ZBTB20: variants seen among roughly 807,000 people sequenced by gnomAD.
ZBTB20 encodes the protein zinc finger and BTB domain containing 20.
A neutral mutation model predicts 56.9 loss-of-function variants in ZBTB20; 9 were observed. That is an observed-to-expected ratio of 0.16 (90% CI 0.10 to 0.28). The LOEUF (loss-of-function observed/expected upper bound fraction) is 0.28. Among genes scored for constraint, ZBTB20 ranks in the 10% least tolerant of loss-of-function variants. The probability of loss-of-function intolerance (pLI) is 1.00; values close to 1 mark genes in which losing one functional copy is unlikely to be tolerated. For synonymous variants in ZBTB20, 417 were observed against 420.7 expected (o/e 0.99, Z 0.11); for missense variants, 655 against 1,003.0 (o/e 0.65, Z 4.69).
intron 6 of ZBTB20, chr3:114,529,335 T>C (rs919232329): frequency 6.6e-6 from 1 of 152,214 alleles, no homozygotes; most frequent in African/African-American, 2.4e-5. Context: ...TCTGTCAACC[T>C]GGGTCCCTGA....
At chr3:114,466,287 T>C (rs1001164825) in intron 7 of ZBTB20, among the ~76,000 whole-genome samples, 5 of 152,228 alleles carry the variant, frequency 3.3e-5, no homozygotes, top group Non-Finnish European at 7.4e-5. Flanking sequence ...CCCGTTACTT[T>C]GTTCTCATAA....
chr3:114,355,931 A>C (rs1328360120), intron 10 of ZBTB20: 3 of 152,120 alleles, frequency 2.0e-5, no homozygotes, highest in African/African-American at 7.2e-5. Flanking sequence ...GTATTTGGGG[A>C]TTCTTCCCCA....
intron 1 of ZBTB20, among the ~76,000 whole-genome samples, chr3:115,147,013 C>T (rs986060670): frequency 6.7e-6 from 1 of 148,448 alleles, no homozygotes; most frequent in Admixed American, 6.7e-5. Flanking sequence ...CGGGGCGGGG[C>T]GCGGGGGCGC....
At chr3:114,519,536 T>C (rs1234273086) in intron 6 of ZBTB20, 1 of 152,188 alleles carries the variant, frequency 6.6e-6, no homozygotes, top group East Asian at 1.9e-4. Flanking sequence ...AGGTATCTGA[T>C]TCCAGTTTCA....
intron 7 of ZBTB20, among the ~76,000 whole-genome samples, chr3:114,472,884 C>A (rs2040301717): frequency 6.6e-6 from 1 of 152,040 alleles, no homozygotes; most frequent in Non-Finnish European, 1.5e-5. Flanking sequence ...GGAAACCAAA[C>A]CAAAGAGGGT....
intron 1 of ZBTB20, among the ~76,000 whole-genome samples, chr3:115,099,853 C>T (rs115801630): frequency 0.025 from 3,877 of 152,080 alleles, 78 homozygotes; most frequent in Non-Finnish European, 0.036. Context: ...GACAAACATA[C>T]GGAAGGGTCT....
chr3:114,603,408 C>A (rs2056908196), intron 6 of ZBTB20, among the ~76,000 whole-genome samples: 1 of 151,824 alleles, frequency 6.6e-6, no homozygotes, highest in African/African-American at 2.4e-5. Context: ...GATTAAAATT[C>A]TCATTCAATG....
intron 6 of ZBTB20, chr3:114,520,155 T>C (rs1441317472): frequency 1.3e-5 from 2 of 151,980 alleles, no homozygotes; most frequent in African/African-American, 4.8e-5. Context: ...AAAAAAAGAA[T>C]AAAGATGGAA....
At chr3:114,640,489 T>C (rs1316752495) in intron 6 of ZBTB20, among the ~76,000 whole-genome samples, 1 of 152,054 alleles carries the variant, frequency 6.6e-6, no homozygotes, top group African/African-American at 2.4e-5. Context: ...CTGCTGGACT[T>C]TTTCATTCAA....
intron 10 of ZBTB20, among the ~76,000 whole-genome samples, chr3:114,370,492 T>G (rs149971568): frequency 0.016 from 2,395 of 152,270 alleles, 42 homozygotes; most frequent in Middle Eastern, 0.031. Context: ...CTGCTGATCC[T>G]TCCTCTCCCT....
At chr3:114,884,167 C>T (rs1054442337) in intron 4 of ZBTB20, among the ~76,000 whole-genome samples, 2 of 151,510 alleles carry the variant, frequency 1.3e-5, no homozygotes, top group African/African-American at 4.8e-5. Context: ...CCTCGTGATC[C>T]GCCCGCCTCG....
At chr3:114,941,978 C>T (rs1221597197) in intron 3 of ZBTB20, among the ~76,000 whole-genome samples, 1 of 145,662 alleles carries the variant, frequency 6.9e-6, no homozygotes, top group African/African-American at 2.8e-5. Flanking sequence ...CTGTTTATAC[C>T]CCATGTACAA....
chr3:114,674,667 G>A lies in ZBTB20; in HGVS notation c.-295+18861C>T, dbSNP rs1338872331. ...AGCTTTAACCTGTCTATGTGGAAGG[G>A]TGATGAATAAATGAATGAATGAAGT... On this transcript the variant is annotated intron_variant, in intron 6 of 11. Coordinates refer to ENST00000675478, the MANE Select transcript of ZBTB20 (RefSeq NM_001348800.3). 2.6e-5 allele frequency among the ~76,000 whole-genome samples: 4 copies of A among 152,074 alleles called. No individual in the cohort carries two copies. In the East Asian group the frequency reaches 7.7e-4, roughly 29 times the overall value.
At chr3:114,774,351 A>C (rs1261851999) in intron 5 of ZBTB20, among the ~76,000 whole-genome samples, 1 of 152,094 alleles carries the variant, frequency 6.6e-6, no homozygotes, top group Non-Finnish European at 1.5e-5. Flanking sequence ...TACTAATACC[A>C]CACTTTGAAT....
chr3:114,447,001 C>T (rs1480786382), intron 7 of ZBTB20, among the ~76,000 whole-genome samples: 1 of 151,970 alleles, frequency 6.6e-6, no homozygotes, highest in Admixed American at 6.6e-5. Flanking sequence ...CCACTTGGTA[C>T]CAGGAAGAGA....
At chr3:114,997,551 C>A (rs1321587687) in intron 2 of ZBTB20, among the ~76,000 whole-genome samples, 1 of 151,178 alleles carries the variant, frequency 6.6e-6, no homozygotes, top group East Asian at 2.0e-4. Context: ...AAAGAGTTTT[C>A]TTTTTCTTTT....
intron 5 of ZBTB20, among the ~76,000 whole-genome samples, chr3:114,741,435 A>G (rs2066566993): frequency 6.6e-6 from 1 of 152,222 alleles, no homozygotes; most frequent in Non-Finnish European, 1.5e-5. Context: ...AGACTTTTAG[A>G]AAGTCTAATT....
At chr3:114,488,895 A>G (rs1164567041) in intron 7 of ZBTB20, among the ~76,000 whole-genome samples, 1 of 152,232 alleles carries the variant, frequency 6.6e-6, no homozygotes, top group Non-Finnish European at 1.5e-5. Context: ...GATAATGTAG[A>G]TCTATATTTA....
chr3:114,810,485 T>C (rs1016339611), intron 4 of ZBTB20, among the ~76,000 whole-genome samples: 1 of 152,182 alleles, frequency 6.6e-6, no homozygotes, highest in Admixed American at 6.5e-5. Flanking sequence ...AGTGAAGTTG[T>C]GGGTTTTCAT....
Sources: gnomAD v4.1 joint callset for allele counts (sites outside exome capture counted in the v4.1 genomes callset) on GRCh38, gnomAD v4.1.1 for gene constraint, MANE v1.5 for transcripts, NCBI Gene and HGNC (gene_info 2026-07-23, HGNC 2026-07-21) for gene names.